KLHL12: variants seen among roughly 807,000 people sequenced by gnomAD.
KLHL12 encodes kelch like family member 12.
KLHL12 carries 17 observed loss-of-function variants against 60.8 expected under a neutral mutation model. The ratio of observed to expected loss-of-function variants is 0.28; its 90% CI spans 0.19 to 0.42. The LOEUF (loss-of-function observed/expected upper bound fraction) is 0.42, where lower values mean the gene tolerates loss of function less well. Among genes scored for constraint, KLHL12 ranks in the 10% least tolerant of loss-of-function variants. The probability of loss-of-function intolerance (pLI) is 1.00; values close to 1 mark genes in which losing one functional copy is unlikely to be tolerated. For missense variants in KLHL12, 468 were observed against 722.3 expected (o/e 0.65, Z 4.04); for synonymous variants, 220 against 250.9 (o/e 0.88, Z 1.16).
At chr1:202,920,989 C>T (rs1660679809) in intron 2 of KLHL12, among the ~76,000 whole-genome samples, 1 of 152,018 alleles carries the variant, frequency 6.6e-6, no homozygotes, top group African/African-American at 2.4e-5. Flanking sequence ...TACCTAGTTC[C>T]TATCATCTGT....
At chr1:202,894,419 G>A in intron 9 of KLHL12, 137 bp from the exon 10 acceptor site, 1 of 877,806 alleles carries the variant, frequency 1.1e-6, no homozygotes, top group African/African-American at 1.7e-5. Context: ...AGAGAAATCT[G>A]ACATTATGCT....
At chr1:202,923,750 C>G (rs1415805621) in intron 2 of KLHL12, among the ~76,000 whole-genome samples, 4 of 151,972 alleles carry the variant, frequency 2.6e-5, no homozygotes, top group African/African-American at 9.7e-5. Context: ...ATATGCACAA[C>G]AATTACTAGC....
intron 6 of KLHL12, among the ~76,000 whole-genome samples, chr1:202,899,290 C>A (rs1659933575): frequency 6.6e-6 from 1 of 152,042 alleles, no homozygotes; most frequent in Admixed American, 6.6e-5. Context: ...CCAGCCTGGG[C>A]AATAAGGCAA....
chr1:202,908,524 C>T (rs555622641), intron 6 of KLHL12, among the ~76,000 whole-genome samples: 2 of 152,268 alleles, frequency 1.3e-5, no homozygotes, highest in East Asian at 3.9e-4. Flanking sequence ...AAATCTAGTA[C>T]GAGGTAAACT....
upstream of KLHL12, among the ~76,000 whole-genome samples, chr1:202,927,825 CAA>C (rs1296530129): frequency 6.8e-6 from 1 of 146,770 alleles, no homozygotes; most frequent in African/African-American, 2.5e-5. Flanking sequence ...ACTGAAAATA[CAA>C]AAAAATTAGC....
Position 202,918,348 on chromosome 1 carries a change from C to CT in KLHL12, c.389_390insA (p.Asp131GlyfsTer4). 6.2e-7 allele frequency: 1 copy of CT among 1,614,094 alleles called. No homozygotes were observed. The highest frequency in any genetic ancestry group is 2.2e-5 in the East Asian group (1 of 44,880). On this transcript the variant is annotated frameshift_variant, in exon 4 of 12. Transcript: ENST00000367261. LOFTEE classifies it high-confidence loss of function. Reference sequence around the variant, plus strand: ...TAATACCCAGGCAATTAGAAGGGTCCAACTGACTTTCTAAGAACTCACAGC... The same window carrying CT: ...TAATACCCAGGCAATTAGAAGGGTCCTAACTGACTTTCTAAGAACTCACAGC...
chr1:202,894,924 TA>T (rs1198427873), intron 8 of KLHL12, among the ~76,000 whole-genome samples, 175 bp from the exon 9 acceptor site: 1 of 152,068 alleles, frequency 6.6e-6, no homozygotes, highest in African/African-American at 2.4e-5. Flanking sequence ...AAGAATGGGG[TA>T]AAACAAAATC....
Position 202,895,568 on chromosome 1 carries a change from G to T in KLHL12, c.1089C>A (p.Ala363=), listed in dbSNP as rs771118191. The T allele has an allele frequency of 6.2e-7, 1 of 1,614,044 alleles. No homozygotes were observed. Among genetic ancestry groups the T allele is most frequent in the Non-Finnish European group, 8.5e-7 (1 of 1,180,004 alleles). The change falls in exon 8 of 12, where the codon GCC becomes GCA. Residue 363 remains alanine (A), a synonymous_variant. Coordinates refer to ENST00000367261, the MANE Select transcript of KLHL12 (RefSeq NM_021633.4). This position sits in a 1 kb window ranked among gnomAD's most constrained non-coding sequence, Gnocchi z 4.2. ...ADEDGVWYSV[A]PMNVRRGLAG... ...CAAGACCTCGTCGGACATTCATAGG[G>T]GCCACAGAATACCAGACCCCATCCT...
chr1:202,927,307 G>A (rs77487821), upstream of KLHL12: 12,777 of 978,916 alleles, frequency 0.013, 86 homozygotes, highest in Non-Finnish European at 0.014. Context: ...CAGAGTCTGC[G>A]TCACGTGAGG....
At chr1:202,915,046 A>G (rs1189776561) in intron 4 of KLHL12, 1 of 152,186 alleles carries the variant, frequency 6.6e-6, no homozygotes, top group Non-Finnish European at 1.5e-5. Context: ...CTAACAGGGA[A>G]GAAAAAACCC....
At chr1:202,905,568 G>T (rs1660156059) in intron 6 of KLHL12, among the ~76,000 whole-genome samples, 1 of 152,192 alleles carries the variant, frequency 6.6e-6, no homozygotes, top group Admixed American at 6.5e-5. Flanking sequence ...GGCTTTCATG[G>T]TATAGGTTGA....
At chr1:202,894,120 A>C (rs1023756011) in intron 10 of KLHL12, 64 bp downstream of exon 10, 57 of 886,630 alleles carry the variant, frequency 6.4e-5, no homozygotes, top group Admixed American at 1.1e-4. Context: ...CCCATGCACC[A>C]CCATTATATA....
chr1:202,928,586 G>A (rs1279700411), upstream of KLHL12: 46 of 1,230,178 alleles, frequency 3.7e-5, no homozygotes, highest in East Asian at 5.7e-5. Context: ...ACAACGCTGC[G>A]GCGAGAATCC....
chr1:202,928,413 G>A (rs149905455), upstream of KLHL12: 7 of 952,096 alleles, frequency 7.4e-6, no homozygotes, highest in East Asian at 4.3e-4. Context: ...CGCTCACTAG[G>A]CAGGGCAGGC....
chr1:202,927,286 T>TC (rs3841739), upstream of KLHL12: 233,749 of 983,142 alleles, frequency 0.24, 28,841 homozygotes, highest in East Asian at 0.56. Flanking sequence ...AGCACCGCCC[T>TC]CCCCCCGCTC....
intron 2 of KLHL12, among the ~76,000 whole-genome samples, chr1:202,920,512 G>A (rs1571542471): frequency 6.7e-6 from 1 of 149,878 alleles, no homozygotes; most frequent in East Asian, 2.0e-4. Context: ...GAGTAGTTTG[G>A]ACTACAGGCG....
At chr1:202,920,570 G>A (rs1660663116) in intron 2 of KLHL12, among the ~76,000 whole-genome samples, 1 of 151,418 alleles carries the variant, frequency 6.6e-6, no homozygotes, top group Non-Finnish European at 1.5e-5. Context: ...TAGAGACGGG[G>A]TTTCACCGTG....
intron 5 of KLHL12, among the ~76,000 whole-genome samples, chr1:202,910,017 G>C (rs571429584): frequency 2.6e-5 from 4 of 152,228 alleles, no homozygotes; most frequent in African/African-American, 9.6e-5. Flanking sequence ...CTAATTAAAT[G>C]GCACCTCTAT....
chr1:202,926,528 C>T (rs1653564740), intron 1 of KLHL12, among the ~76,000 whole-genome samples: 1 of 152,164 alleles, frequency 6.6e-6, no homozygotes, highest in Admixed American at 6.5e-5. Context: ...CTTAAGTCAA[C>T]TTAGTTGCAA....
Sources: gnomAD v4.1 joint callset for allele counts (sites outside exome capture counted in the v4.1 genomes callset) on GRCh38, gnomAD v4.1.1 for gene constraint, Gnocchi (gnomAD v3.1) non-coding constraint, MANE v1.5 for transcripts, NCBI Gene and HGNC (gene_info 2026-07-23, HGNC 2026-07-21) for gene names.